The following EFCAB6 variants were observed in gnomAD, a reference collection of about 807,000 sequenced individuals.
EFCAB6 encodes the protein EF-hand calcium binding domain 6.
EFCAB6 carries 156 observed loss-of-function variants against 169.8 expected under a neutral mutation model. That is an observed-to-expected ratio of 0.92 (90% CI 0.81 to 1.05). The LOEUF (loss-of-function observed/expected upper bound fraction) is 1.05, where lower values mean the gene tolerates loss of function less well. Ranked by LOEUF, EFCAB6 falls within the 50% of genes least tolerant of loss-of-function variation. The probability of loss-of-function intolerance (pLI) is 0.00; values close to 1 mark genes in which losing one functional copy is unlikely to be tolerated. For missense variants in EFCAB6, 1,800 were observed against 1,829.1 expected (o/e 0.98, Z 0.29); for synonymous variants, 698 against 676.4 (o/e 1.03, Z -0.50).
intron 27 of EFCAB6, among the ~76,000 whole-genome samples, chr22:43,551,092 TAA>T (rs1232358179): frequency 6.6e-6 from 1 of 152,220 alleles, no homozygotes; most frequent in Non-Finnish European, 1.5e-5. Flanking sequence ...AATATGGAGT[TAA>T]GTGTAATTTA....
At chr22:43,748,992 G>C (rs1349803022) in intron 6 of EFCAB6, among the ~76,000 whole-genome samples, 1 of 152,188 alleles carries the variant, frequency 6.6e-6, no homozygotes, top group African/African-American at 2.4e-5. Flanking sequence ...AGAGGCAACG[G>C]GAAACCCAGC....
chr22:43,696,444 A>G (rs1039863508), intron 10 of EFCAB6, among the ~76,000 whole-genome samples: 1 of 152,190 alleles, frequency 6.6e-6, no homozygotes, highest in Non-Finnish European at 1.5e-5. Flanking sequence ...TTACTATTAG[A>G]CATGTACTCA....
At chr22:43,590,280 C>T (rs907378351) in intron 23 of EFCAB6, 51 bp from the exon 24 acceptor site, 4 of 1,584,336 alleles carry the variant, frequency 2.5e-6, no homozygotes, top group African/African-American at 1.4e-5. Context: ...AAACAAATAA[C>T]TCCTTTAAAG....
rs112610562 is a variant in EFCAB6, at chr22:43,556,850, C to A, written c.3421-1754G>T. On this transcript the variant is annotated intron_variant, in intron 26 of 31. Coordinates refer to ENST00000262726, the MANE Select transcript of EFCAB6 (RefSeq NM_022785.4). ...AGCCATTTGTGAAGTAAATGAATGT[C>A]TTTTTTATTTTAGAAAATAAAAGTG... 2.4e-4 allele frequency among the ~76,000 whole-genome samples: 36 copies of A among 152,290 alleles called. 1 individual carries two copies. The highest frequency in any genetic ancestry group is 8.4e-4 in the African/African-American group (35 of 41,562).
At chr22:43,700,872 T>A (rs985222878) in intron 10 of EFCAB6, among the ~76,000 whole-genome samples, 2 of 152,144 alleles carry the variant, frequency 1.3e-5, no homozygotes, top group Non-Finnish European at 2.9e-5. Context: ...ATCCGCTGAG[T>A]TACATTTGAG....
At chr22:43,575,406 T>A (rs1156720000) in intron 26 of EFCAB6, among the ~76,000 whole-genome samples, 1 of 144,004 alleles carries the variant, frequency 6.9e-6, no homozygotes, top group Non-Finnish European at 1.5e-5. Flanking sequence ...TGGGGTTTCA[T>A]CATGTGGGCC....
intron 1 of EFCAB6, among the ~76,000 whole-genome samples, chr22:43,809,487 C>T (rs1256571669): frequency 6.6e-6 from 1 of 152,224 alleles, no homozygotes; most frequent in Non-Finnish European, 1.5e-5. Flanking sequence ...TCATCAAGAA[C>T]ACAGGTTATT....
chr22:43,738,463 TCACA>T (rs947299610), intron 6 of EFCAB6, among the ~76,000 whole-genome samples: 6 of 148,510 alleles, frequency 4.0e-5, no homozygotes, highest in Non-Finnish European at 7.5e-5. Flanking sequence ...ACACCATCAC[TCACA>T]CACACATATA....
intron 17 of EFCAB6, among the ~76,000 whole-genome samples, chr22:43,639,029 C>T (rs932754141): frequency 1.3e-5 from 2 of 151,154 alleles, no homozygotes; most frequent in Admixed American, 6.6e-5. Context: ...AGGTGATCCG[C>T]CCACCTCGGC....
intron 3 of EFCAB6, among the ~76,000 whole-genome samples, chr22:43,780,675 T>C (rs1424464448): frequency 1.3e-5 from 2 of 152,138 alleles, no homozygotes; most frequent in Non-Finnish European, 2.9e-5. Context: ...CAGAAACTAC[T>C]AAGCTAATCC....
intron 5 of EFCAB6, among the ~76,000 whole-genome samples, chr22:43,758,158 T>G (rs886819857): frequency 3.9e-5 from 6 of 152,188 alleles, no homozygotes; most frequent in Admixed American, 3.9e-4. Context: ...TTTAATCCTT[T>G]CTATTTTCAA....
At chr22:43,589,649 G>A (rs930700573) in intron 24 of EFCAB6, among the ~76,000 whole-genome samples, 47 of 152,208 alleles carry the variant, frequency 3.1e-4, no homozygotes, top group Non-Finnish European at 5.7e-4. Flanking sequence ...TTGGCCAGGC[G>A]TGGTGGTGTA....
At position 43,795,360 on chromosome 22, in the gene EFCAB6, T is replaced by C. The variant is rs2062465426; in HGVS notation, c.-7-13035A>G. Among the ~76,000 whole-genome samples the C allele has an allele frequency of 6.6e-6, 1 of 152,118 alleles. No homozygotes were observed. The highest frequency in any genetic ancestry group is 1.5e-5 in the Non-Finnish European group (1 of 68,032). On this transcript the variant is annotated intron_variant, in intron 2 of 31. Transcript: ENST00000262726. The surrounding 1 kb of genome is among the most constrained non-coding windows in gnomAD (Gnocchi z 4.2). ...TGCTACCTGGGGACGATGGAGACAT[T>C]GATCTTTTTATGTTAAATGTTCTTT...
At position 43,576,380 on chromosome 22, in the gene EFCAB6, A is replaced by C; in HGVS notation, c.3337T>G (p.Phe1113Val). Residue 1113 changes from phenylalanine (F) to valine (V), a missense_variant, in exon 26 of 32, where the codon TTT becomes GTT. Coordinates refer to ENST00000262726, the MANE Select transcript of EFCAB6 (RefSeq NM_022785.4). ...YKLTDNQYHYFLRKLRIHLTP... is the reference protein window; with the variant it reads ...YKLTDNQYHYVLRKLRIHLTP... Reference sequence around the variant, plus strand: ...AGATGAATTCTTAGTTTCCTCAAAAAATAATGATACTGATTGTCCGTTAGT... The same window carrying C: ...AGATGAATTCTTAGTTTCCTCAAAACATAATGATACTGATTGTCCGTTAGT... 1 of 1,602,172 alleles carries C rather than the reference A, an allele frequency of 6.2e-7. No individual in the cohort carries two copies. Among genetic ancestry groups the C allele is most frequent in the Non-Finnish European group, 8.5e-7 (1 of 1,176,882 alleles).
Position 43,591,803 on chromosome 22 carries a change from T to A in EFCAB6, c.2877-1574A>T, listed in dbSNP as rs564360216. 3.9e-5 allele frequency among the ~76,000 whole-genome samples: 6 copies of A among 152,302 alleles called. No individual in the cohort carries two copies. The South Asian group carries it at 1.2e-3, about 32-fold the overall frequency. On this transcript the variant is annotated intron_variant, in intron 23 of 31. Transcript: ENST00000262726. Reference sequence around the variant, plus strand: ...AATTTTCAGTCTGGGAAATTTTGTCTCCTAACTCGAAAAAAATTACGGTTA... The same window carrying A: ...AATTTTCAGTCTGGGAAATTTTGTCACCTAACTCGAAAAAAATTACGGTTA...
intron 24 of EFCAB6, among the ~76,000 whole-genome samples, chr22:43,581,097 T>G (rs1039835629): frequency 1.3e-5 from 2 of 151,870 alleles, no homozygotes; most frequent in African/African-American, 4.8e-5. Flanking sequence ...TCAAAGACAG[T>G]GTGGAAGTGA....
At chr22:43,779,508 G>A (rs534299758) in intron 3 of EFCAB6, among the ~76,000 whole-genome samples, 11 of 152,268 alleles carry the variant, frequency 7.2e-5, no homozygotes, top group African/African-American at 2.4e-4. Context: ...TTGGGAGGCC[G>A]AGGTGGGCGG....
intron 10 of EFCAB6, among the ~76,000 whole-genome samples, chr22:43,707,882 C>T (rs1001099793): frequency 1.3e-5 from 2 of 151,922 alleles, no homozygotes; most frequent in Admixed American, 1.3e-4. Context: ...ATGCAGGTCC[C>T]ATCAAAACAA....
intron 4 of EFCAB6, among the ~76,000 whole-genome samples, chr22:43,771,814 G>A (rs550570286): frequency 6.6e-6 from 1 of 152,034 alleles, no homozygotes; most frequent in African/African-American, 2.4e-5. Flanking sequence ...GATAAATGTC[G>A]AACTGTTTTA....
Sources: gnomAD v4.1 joint callset for allele counts (sites outside exome capture counted in the v4.1 genomes callset) on GRCh38, gnomAD v4.1.1 for gene constraint, Gnocchi (gnomAD v3.1) non-coding constraint, MANE v1.5 for transcripts, NCBI Gene and HGNC (gene_info 2026-07-23, HGNC 2026-07-21) for gene names.